Variants in KCNQ1 observed in about 807,000 individuals in gnomAD.
KCNQ1 encodes the protein potassium voltage-gated channel subfamily Q member 1.
Under a neutral mutation model 72.4 loss-of-function variants are expected in KCNQ1, and 49 were observed. The observed-to-expected ratio is 0.68, with a 90% CI of 0.54 to 0.86. KCNQ1 has a LOEUF of 0.86. Ranked by LOEUF, KCNQ1 falls within the 40% of genes least tolerant of loss-of-function variation. The pLI is 0.00. For missense variants in KCNQ1, 790 were observed against 945.1 expected (o/e 0.84, Z 2.15); for synonymous variants, 450 against 412.6 (o/e 1.09, Z -1.10).
At position 2,573,137 on chromosome 11, in the gene KCNQ1, G is replaced by C. The variant is rs1393069268; in HGVS notation, c.921+151G>C. On this transcript the variant is annotated intron_variant, in intron 6 of 15. Coordinates refer to ENST00000155840, the MANE Select transcript of KCNQ1 (RefSeq NM_000218.3). ...GCCTCTGTCCACAAACCTGTGCTTG[G>C]AGCCGCTGGCACAGGTCCCCACGCT... 1.7e-5 allele frequency: 16 copies of C among 956,388 alleles called. No homozygotes were observed. The East Asian group carries it at 4.2e-4, about 25-fold the overall frequency. 59.2% of individuals were successfully genotyped at this position (956,388 alleles called of 1,614,324 possible).
At position 2,823,186 on chromosome 11, in the gene KCNQ1, A is replaced by G. The variant is rs146625237; in HGVS notation, c.1795-24581A>G. On this transcript the variant is annotated intron_variant, in intron 15 of 15. Coordinates refer to ENST00000155840, the MANE Select transcript of KCNQ1 (RefSeq NM_000218.3). Reference sequence around the variant, plus strand: ...ACAGCAGAGATAAAGACAACATTCTAGAATCTTCTCAAAGAAGTAACAGGT... The same window carrying G: ...ACAGCAGAGATAAAGACAACATTCTGGAATCTTCTCAAAGAAGTAACAGGT... 5.9e-5 allele frequency among the ~76,000 whole-genome samples: 9 copies of G among 152,318 alleles called. No homozygotes were observed. In the East Asian group the frequency reaches 1.7e-3, roughly 29 times the overall value.
Position 2,445,444 on chromosome 11 carries a change from C to T in KCNQ1, c.346C>T (p.Arg116Cys). 6.3e-7 allele frequency: 1 copy of T among 1,597,454 alleles called. No homozygotes were observed. Among genetic ancestry groups the T allele is most frequent in the Non-Finnish European group, 8.5e-7 (1 of 1,179,616 alleles). ...VQGRVYNFLE[R>C]PTGWKCFVYH... ...GGGCCGCGTCTACAACTTCCTCGAG[C>T]GTCCCACCGGCTGGAAATGCTTCGT... Residue 116 changes from arginine (R) to cysteine (C), a missense_variant, in exon 1 of 16, where the codon CGT becomes TGT. By Grantham distance (180) the Arg-to-Cys change is radical. Coordinates refer to ENST00000155840, the MANE Select transcript of KCNQ1 (RefSeq NM_000218.3).
At chr11:2,635,730 G>C (rs553737498) in intron 10 of KCNQ1, 1 of 152,164 alleles carries the variant, frequency 6.6e-6, no homozygotes, top group African/African-American at 2.4e-5. Flanking sequence ...AAAGTCATTG[G>C]TAGCTTGATG....
rs1463463517 is a variant in KCNQ1, at chr11:2,543,245, C to T, written c.477+15227C>T. On this transcript the variant is annotated intron_variant, in intron 2 of 15. Transcript: ENST00000155840. The surrounding 1 kb of genome is among the most constrained non-coding windows in gnomAD (Gnocchi z 5.6). ...TTGTTTTACACATGTATTCTCTAGT[C>T]GGTGGCTTTCCTTTTCATTTATTTA... 1.3e-5 allele frequency among the ~76,000 whole-genome samples: 2 copies of T among 152,078 alleles called. No homozygotes were observed. Among genetic ancestry groups the T allele is most frequent in the Non-Finnish European group, 1.5e-5 (1 of 68,022 alleles).
At position 2,768,905 on chromosome 11, in the gene KCNQ1, A is replaced by G. The variant is rs199472792; in HGVS notation, c.1576A>G (p.Lys526Glu). Reference sequence around the variant, plus strand: ...TCGACGCATGCAGTACTTTGTGGCCAAGAAGAAATTCCAGGTAAGCCCTGT... The same window carrying G: ...TCGACGCATGCAGTACTTTGTGGCCGAGAAGAAATTCCAGGTAAGCCCTGT... ...VIRRMQYFVA[K>E]KKFQQARKPY... is the part of the protein sequence containing the mutation. The change falls in exon 12 of 16, where the codon AAG (lysine) becomes GAG (glutamate). Residue 526 changes from lysine (K) to glutamate (E), a missense_variant. Around this residue, in one of 5 missense-constraint regions of KCNQ1, gnomAD observed 91 missense variants for 139.1 expected, o/e 0.65. Coordinates refer to ENST00000155840, the MANE Select transcript of KCNQ1 (RefSeq NM_000218.3). The surrounding 1 kb of genome is among the most constrained non-coding windows in gnomAD (Gnocchi z 6.7). 21 of 1,613,806 alleles carry G rather than the reference A, an allele frequency of 1.3e-5. No homozygotes were observed. Among genetic ancestry groups the G allele is most frequent in the Non-Finnish European group, 1.7e-5 (20 of 1,179,902 alleles).
At chr11:2,573,104 G>T in intron 6 of KCNQ1, 118 bp downstream of exon 6, 2 of 1,214,418 alleles carry the variant, frequency 1.6e-6, no homozygotes, top group East Asian at 2.5e-5. Context: ...TCACCTGCAC[G>T]CTCACAGGCC....
chr11:2,768,971 T>G lies in KCNQ1; in HGVS notation c.1590+52T>G. On this transcript the variant is annotated intron_variant, in intron 12 of 15. Coordinates refer to ENST00000155840, the MANE Select transcript of KCNQ1 (RefSeq NM_000218.3). This position sits in a 1 kb window ranked among gnomAD's most constrained non-coding sequence, Gnocchi z 6.7. The stretch of plus-strand genomic sequence containing the variant: ...CCTCAGCCTGCCCCTCGCAGCCTGA[T>G]GCAGCTGCCCACACCTCTCCTGGGT... 1 of 1,419,154 alleles carries G rather than the reference T, an allele frequency of 7.0e-7. No individual in the cohort carries two copies. The highest frequency in any genetic ancestry group is 1.0e-6 in the Non-Finnish European group (1 of 1,003,558). The allele number at this position is 1,419,154 out of a possible 1,614,324, so 87.9% of individuals were successfully genotyped here. A position where few individuals can be genotyped will look rare whatever the true frequency, so the allele number is the denominator to read the frequency against.
chr11:2,610,809 T>A (rs1289054871), intron 10 of KCNQ1: 1 of 368,132 alleles, frequency 2.7e-6, no homozygotes, highest in Non-Finnish European at 4.7e-6. Flanking sequence ...TGACGAAAAG[T>A]CAGCTCCACA....
At chr11:2,792,958 C>T (rs963886984) in intron 15 of KCNQ1, among the ~76,000 whole-genome samples, 6 of 152,214 alleles carry the variant, frequency 3.9e-5, no homozygotes, top group East Asian at 3.9e-4. Context: ...CCCCGCCCCC[C>T]GGGAGCCGCA....
chr11:2,782,539 T>C lies in KCNQ1; in HGVS notation c.1794+4502T>C, dbSNP rs954920623. On this transcript the variant is annotated intron_variant, in intron 15 of 15. Transcript: ENST00000155840. The surrounding 1 kb of genome is among the most constrained non-coding windows in gnomAD (Gnocchi z 6.1). ...AGATTAGAATTTTATTTTCCTCAAA[T>C]GTTTGGTGGAATTTAAAGGTAAAGA... Among the ~76,000 whole-genome samples, 1 of 152,220 alleles carries C rather than the reference T, an allele frequency of 6.6e-6. No individual in the cohort carries two copies. Among genetic ancestry groups the C allele is most frequent in the African/African-American group, 2.4e-5 (1 of 41,456 alleles).
At chr11:2,729,129 C>T (rs1845810203) in intron 11 of KCNQ1, among the ~76,000 whole-genome samples, 1 of 152,238 alleles carries the variant, frequency 6.6e-6, no homozygotes, top group Non-Finnish European at 1.5e-5. Context: ...ATGAGCTGGG[C>T]TCTCCCGGGG....
chr11:2,484,049 A>C lies in KCNQ1; in HGVS notation c.386+38565A>C, dbSNP rs2133616264. ...TTAATTTGGATTCTTCTCCAGGAAG[A>C]GCTGTCCCCTTTGTTCTGGTTATGT... On this transcript the variant is annotated intron_variant, in intron 1 of 15. Coordinates refer to ENST00000155840, the MANE Select transcript of KCNQ1 (RefSeq NM_000218.3). This position sits in a 1 kb window ranked among gnomAD's most constrained non-coding sequence, Gnocchi z 5.2. 1.3e-5 allele frequency among the ~76,000 whole-genome samples: 2 copies of C among 152,270 alleles called. No individual in the cohort carries two copies. The highest frequency in any genetic ancestry group is 4.1e-4 in the South Asian group (2 of 4,822).
chr11:2,492,928 C>T lies in KCNQ1; in HGVS notation c.387-35000C>T, dbSNP rs1387350757. Among the ~76,000 whole-genome samples the T allele has an allele frequency of 6.6e-6, 1 of 152,204 alleles. No homozygotes were observed. The highest frequency in any genetic ancestry group is 1.5e-5 in the Non-Finnish European group (1 of 68,046). Reference sequence around the variant, plus strand: ...GTTCTAGAATCTAGTTCTAGAATCACCACGCTGTCTTCCACAATGGTTGAA... The same window carrying T: ...GTTCTAGAATCTAGTTCTAGAATCATCACGCTGTCTTCCACAATGGTTGAA... On this transcript the variant is annotated intron_variant, in intron 1 of 15. Transcript: ENST00000155840. This position sits in a 1 kb window ranked among gnomAD's most constrained non-coding sequence, Gnocchi z 4.1.
Position 2,647,037 on chromosome 11 carries a change from T to C in KCNQ1, c.1394-14924T>C, listed in dbSNP as rs1849677049. 1 of 398,512 alleles carries C rather than the reference T, an allele frequency of 2.5e-6. No homozygotes were observed. The highest frequency in any genetic ancestry group is 2.1e-5 in the African/African-American group (1 of 48,638). 24.7% of individuals were successfully genotyped at this position (398,512 alleles called of 1,614,324 possible). On this transcript the variant is annotated intron_variant, in intron 10 of 15. Transcript: ENST00000155840. This position sits in a 1 kb window ranked among gnomAD's most constrained non-coding sequence, Gnocchi z 4.0. ...TTCTTACTCTGCTGAATAAGAATAGTGAAAGTGGGCATCCTTGTCTTGTTC... is the reference window on the plus strand; with the variant it reads ...TTCTTACTCTGCTGAATAAGAATAGCGAAAGTGGGCATCCTTGTCTTGTTC...
chr11:2,644,453 C>A (rs1214493848), intron 10 of KCNQ1: 1 of 398,224 alleles, frequency 2.5e-6, no homozygotes, highest in Non-Finnish European at 4.4e-6. Context: ...ATCTCTTGGG[C>A]AAATTTCTCA....
rs2133562879 is a variant in KCNQ1, at chr11:2,447,253, C to A, written c.386+1769C>A. Among the ~76,000 whole-genome samples the A allele has an allele frequency of 6.6e-6, 1 of 152,272 alleles. No homozygotes were observed. The highest frequency in any genetic ancestry group is 2.1e-4 in the South Asian group (1 of 4,824). ...CAGCAAGAGTCTACCTTCGCCCAGC[C>A]TCCGCAGAGCTGGCAAGGCAGGGGT... On this transcript the variant is annotated intron_variant, in intron 1 of 15. Coordinates refer to ENST00000155840, the MANE Select transcript of KCNQ1 (RefSeq NM_000218.3). The surrounding 1 kb of genome is among the most constrained non-coding windows in gnomAD (Gnocchi z 7.6).
intron 11 of KCNQ1, among the ~76,000 whole-genome samples, chr11:2,718,281 AC>A (rs1851131649): frequency 6.6e-6 from 1 of 151,904 alleles, no homozygotes; most frequent in Admixed American, 6.6e-5. Context: ...CCCCAGGTAG[AC>A]CCCCACACTT....
At chr11:2,525,746 TG>T (rs1217857886) in intron 1 of KCNQ1, among the ~76,000 whole-genome samples, 1 of 151,998 alleles carries the variant, frequency 6.6e-6, no homozygotes, top group Non-Finnish European at 1.5e-5. Flanking sequence ...AATGTCCCAG[TG>T]GGGGAGTAAC....
At position 2,698,830 on chromosome 11, in the gene KCNQ1, C is replaced by G. The variant is rs1362615702; in HGVS notation, c.1514+36749C>G. 2.5e-6 allele frequency: 1 copy of G among 398,718 alleles called. No homozygotes were observed. The highest frequency in any genetic ancestry group is 2.1e-5 in the African/African-American group (1 of 48,616). 24.7% of individuals were successfully genotyped at this position (398,718 alleles called of 1,614,324 possible). A position where few individuals can be genotyped will look rare whatever the true frequency, so the allele number is the denominator to read the frequency against. ...TCCTCTGTCCCTAATGAGGCCCTAC[C>G]TAAAACCACCATGCGGACTCCAGAC... On this transcript the variant is annotated intron_variant, in intron 11 of 15. Coordinates refer to ENST00000155840, the MANE Select transcript of KCNQ1 (RefSeq NM_000218.3). This position sits in a 1 kb window ranked among gnomAD's most constrained non-coding sequence, Gnocchi z 5.1.
Sources: gnomAD v4.1 joint callset for allele counts (sites outside exome capture counted in the v4.1 genomes callset) on GRCh38, gnomAD v4.1.1 for gene constraint, gnomAD v4.1.1 regional missense constraint, Gnocchi (gnomAD v3.1) non-coding constraint, MANE v1.5 for transcripts, NCBI Gene and HGNC (gene_info 2026-07-23, HGNC 2026-07-21) for gene names.